FAAH2: variants seen among roughly 807,000 people sequenced by gnomAD.
FAAH2 encodes the protein fatty acid amide hydrolase 2.
Under a neutral mutation model 36.9 loss-of-function variants are expected in FAAH2, and 60 were observed. The ratio of observed to expected loss-of-function variants is 1.63; its 90% CI spans 1.32 to 2.02. The LOEUF (loss-of-function observed/expected upper bound fraction) is 2.02, where lower values mean the gene tolerates loss of function less well. Among genes scored for constraint, FAAH2 ranks in the 30% most tolerant of loss-of-function variants. The pLI, the probability that FAAH2 is intolerant of heterozygous loss-of-function variation, is 0.00. For missense variants in FAAH2, 689 were observed against 397.5 expected (o/e 1.73, Z -6.23); for synonymous variants, 214 against 143.8 (o/e 1.49, Z -3.49).
chrX:57,431,820 C>G, intron 7 of FAAH2, 98 bp from the exon 8 acceptor site: 1 of 433,128 alleles, frequency 2.3e-6, no homozygotes, highest in Non-Finnish European at 3.1e-6. Flanking sequence ...GCAATGAGGG[C>G]CTGGCGCTTT....
chrX:57,382,697 C>CA (rs939342919), intron 7 of FAAH2, among the ~76,000 whole-genome samples: 3 of 110,987 alleles, frequency 2.7e-5, no homozygotes, highest in African/African-American at 9.8e-5. Flanking sequence ...GCCTAGCAAC[C>CA]AAAAAAAGTC....
At chrX:57,198,723 T>C in the FAAH2 span, among the ~76,000 whole-genome samples, 1 of 112,584 alleles carries the variant, frequency 8.9e-6, no homozygotes, top group Non-Finnish European at 1.9e-5. Context: ...GACTTGGTGA[T>C]AAACTTAGAA....
At chrX:57,150,952 C>T in the FAAH2 span, among the ~76,000 whole-genome samples, 2 of 111,987 alleles carry the variant, frequency 1.8e-5, no homozygotes, top group South Asian at 3.8e-4. Flanking sequence ...TTAGGGCAGG[C>T]CTGGTGGTGA....
intron 3 of FAAH2, among the ~76,000 whole-genome samples, chrX:57,331,270 C>G (rs2053397199): frequency 9.0e-6 from 1 of 111,474 alleles, no homozygotes; most frequent in Non-Finnish European, 1.9e-5. Flanking sequence ...TCTAGAGGCC[C>G]ATGTAGAAAG....
chrX:57,412,914 T>A (rs2055739212), intron 7 of FAAH2, among the ~76,000 whole-genome samples: 2 of 112,522 alleles, frequency 1.8e-5, no homozygotes, highest in Admixed American at 1.9e-4. Flanking sequence ...ATGATCGCCA[T>A]TCTAACTAAC....
the FAAH2 span, among the ~76,000 whole-genome samples, chrX:57,204,658 A>C: frequency 2.7e-5 from 3 of 112,417 alleles, no homozygotes; most frequent in Non-Finnish European, 3.8e-5. Flanking sequence ...CCACCAAACC[A>C]GTAGTTCTGC....
At chrX:57,123,259 T>G in the FAAH2 span, among the ~76,000 whole-genome samples, 5 of 111,690 alleles carry the variant, frequency 4.5e-5, no homozygotes, top group Non-Finnish European at 9.4e-5. Flanking sequence ...GGTGTTTGGT[T>G]TTTTGTCCTT....
chrX:57,461,975 T>A lies in FAAH2; in HGVS notation c.1423+13257T>A, dbSNP rs2056965780. Among the ~76,000 whole-genome samples the A allele has an allele frequency of 2.7e-5, 3 of 109,750 alleles. No homozygotes were observed. In the South Asian group the frequency reaches 1.2e-3, roughly 43 times the overall value. On this transcript the variant is annotated intron_variant, in intron 10 of 10. Transcript: ENST00000374900. ...AAAATGATAAAGGGAATGTCACCAC[T>A]GATCCCACAGAAATACAAACTACCA... is the stretch of plus-strand genomic sequence containing the variant.
the FAAH2 span, among the ~76,000 whole-genome samples, chrX:57,150,503 T>A: frequency 1.8e-5 from 2 of 112,176 alleles, no homozygotes; most frequent in Non-Finnish European, 3.8e-5. Context: ...TGATCCCTTT[T>A]CTATTATGTA....
At chrX:57,220,384 C>T in the FAAH2 span, among the ~76,000 whole-genome samples, 5 of 110,756 alleles carry the variant, frequency 4.5e-5, no homozygotes, top group South Asian at 7.7e-4. Flanking sequence ...TGCCACCTTA[C>T]GCCTCTGTCT....
At chrX:57,231,557 T>C in the FAAH2 span, among the ~76,000 whole-genome samples, 1 of 111,819 alleles carries the variant, frequency 8.9e-6, no homozygotes, top group Non-Finnish European at 1.9e-5. Context: ...GGAATGTTGA[T>C]CTAAGTTATC....
At chrX:57,250,548 C>T in the FAAH2 span, among the ~76,000 whole-genome samples, 1 of 110,789 alleles carries the variant, frequency 9.0e-6, no homozygotes, top group Non-Finnish European at 1.9e-5. Context: ...TTAGGTAATG[C>T]ATATGTTAAT....
intron 5 of FAAH2, among the ~76,000 whole-genome samples, chrX:57,352,618 A>T (rs2147107548): frequency 9.0e-6 from 1 of 111,204 alleles, no homozygotes; most frequent in South Asian, 3.7e-4. Context: ...TTGAACAACC[A>T]GGCAACAGCA....
At chrX:57,379,814 T>TC (rs1555989739) in intron 6 of FAAH2, among the ~76,000 whole-genome samples, 1 of 3,889 alleles carries the variant, frequency 2.6e-4, no homozygotes, top group Non-Finnish European at 0.038. Context: ...AGTCCCTGAA[T>TC]TTTTTTTTTT....
At position 57,306,994 on chromosome X, in the gene FAAH2, GATACATATATAT is replaced by G. The variant is rs1325729595; in HGVS notation, c.276-3595_276-3584del. 1.9e-4 allele frequency among the ~76,000 whole-genome samples: 6 copies of G among 31,016 alleles called. 1 individual carries two copies. The highest frequency in any genetic ancestry group is 3.6e-4 in the African/African-American group (5 of 13,882). 26.9% of individuals were successfully genotyped at this position (31,016 alleles called of 115,157 possible). ...ACACGTATACACACACACACACACA[GATACATATATAT>G]ATATATATATAGCCTTTGTCCTCTG... On this transcript the variant is annotated intron_variant, in intron 2 of 10. Coordinates refer to ENST00000374900, the MANE Select transcript of FAAH2 (RefSeq NM_174912.4).
intron 10 of FAAH2, among the ~76,000 whole-genome samples, chrX:57,468,836 G>C (rs1256205022): frequency 9.0e-6 from 1 of 111,407 alleles, no homozygotes; most frequent in Non-Finnish European, 1.9e-5. Context: ...AAATATTAAG[G>C]GCAGCCAGAG....
At position 57,337,994 on chromosome X, in the gene FAAH2, T is replaced by C. The variant is rs187834337; in HGVS notation, c.623-3277T>C. 3.8e-3 allele frequency among the ~76,000 whole-genome samples: 429 copies of C among 112,006 alleles called. 2 individuals are homozygous for C. The highest frequency in any genetic ancestry group is 6.5e-3 in the Non-Finnish European group (344 of 53,204). On this transcript the variant is annotated intron_variant, in intron 4 of 10. Coordinates refer to ENST00000374900, the MANE Select transcript of FAAH2 (RefSeq NM_174912.4). ...TGCTTGCAGATTACATGATCATATA[T>C]CTAGAAAACCCCATCATCTCAGCCC... is the stretch of plus-strand genomic sequence containing the variant.
chrX:57,334,698 G>A (rs908082043), intron 4 of FAAH2, among the ~76,000 whole-genome samples: 2 of 111,610 alleles, frequency 1.8e-5, no homozygotes, highest in Non-Finnish European at 1.9e-5. Context: ...TAAAGGAATT[G>A]GGAATGTTCC....
chrX:57,126,443 T>A, the FAAH2 span, among the ~76,000 whole-genome samples: 1 of 112,362 alleles, frequency 8.9e-6, no homozygotes, highest in Non-Finnish European at 1.9e-5. Flanking sequence ...GGAATAAGCA[T>A]TCAACCTAGT....
Sources: gnomAD v4.1 joint callset for allele counts (sites outside exome capture counted in the v4.1 genomes callset) on GRCh38, gnomAD v4.1.1 for gene constraint, MANE v1.5 for transcripts, NCBI Gene and HGNC (gene_info 2026-07-23, HGNC 2026-07-21) for gene names.